The following LIG3 variants were observed in gnomAD, a reference collection of about 807,000 sequenced individuals.
LIG3 encodes the protein ligase II, DNA, ATP-dependent.
In LIG3, 58 loss-of-function variants were observed where a neutral mutation model predicts 110.9. The ratio of observed to expected loss-of-function variants is 0.52; its 90% CI spans 0.42 to 0.65. The LOEUF (loss-of-function observed/expected upper bound fraction) is 0.65. Ranked by LOEUF, LIG3 falls within the 30% of genes least tolerant of loss-of-function variation. The pLI is 0.00. For synonymous variants in LIG3, 422 were observed against 472.8 expected (o/e 0.89, Z 1.39); for missense variants, 1,094 against 1,273.8 (o/e 0.86, Z 2.15).
intron 3 of LIG3, among the ~76,000 whole-genome samples, chr17:34,986,699 T>C (rs1248896866): frequency 1.3e-5 from 2 of 152,222 alleles, no homozygotes; most frequent in African/African-American, 4.8e-5. Context: ...TCAAGACTTT[T>C]TCCCCTTGAA....
chr17:34,998,821 T>C (rs553676859), intron 14 of LIG3, 94 bp downstream of exon 14: 3 of 1,455,096 alleles, frequency 2.1e-6, no homozygotes, highest in Non-Finnish European at 2.8e-6. Flanking sequence ...TCTGCCAGCA[T>C]GGCCAGTTAT....
chr17:34,997,406 G>A (rs2090789910), intron 11 of LIG3: 2 of 259,038 alleles, frequency 7.7e-6, no homozygotes, highest in African/African-American at 4.3e-5. Flanking sequence ...GGGTGCAGGG[G>A]ATAAAAAATG....
rs933330716 is a variant in LIG3 at position 35,001,944 on chromosome 17, C to A, written c.2514C>A (p.Phe838Leu). 6.2e-7 allele frequency: 1 copy of A among 1,612,080 alleles called. No homozygotes were observed. Among genetic ancestry groups the A allele is most frequent in the African/African-American group, 1.3e-5 (1 of 74,898 alleles). Reference sequence around the variant, plus strand: ...AGTTGTCCAAGGAGAAGGCAGACTTCACTGTAGTGGCTGGAGATGAGGGGA... The same window carrying A: ...AGTTGTCCAAGGAGAAGGCAGACTTAACTGTAGTGGCTGGAGATGAGGGGA... ...LYQLSKEKAD[F>L]TVVAGDEGSS... The change falls in exon 18 of 20, where the codon TTC (phenylalanine) becomes TTA (leucine). Residue 838 changes from phenylalanine (F) to leucine (L), a missense_variant. By Grantham distance (22) the Phe-to-Leu change is conservative. Transcript: ENST00000378526.
At chr17:34,999,574 G>A in intron 15 of LIG3, 125 bp downstream of exon 15, 1 of 1,316,438 alleles carries the variant, frequency 7.6e-7, no homozygotes, top group East Asian at 2.5e-5. Flanking sequence ...TTGCTCAGGG[G>A]AGCAGGATTA....
chr17:34,990,915 T>C, intron 4 of LIG3, 48 bp from the exon 5 acceptor site: 2 of 1,587,890 alleles, frequency 1.3e-6, no homozygotes, highest in Non-Finnish European at 1.7e-6. Context: ...GTTTATATAT[T>C]TATTTGTTTA....
chr17:34,999,128 C>A, intron 14 of LIG3, 179 bp from the exon 15 acceptor site: 1 of 667,934 alleles, frequency 1.5e-6, no homozygotes, highest in Non-Finnish European at 2.4e-6. Context: ...CCCTCATTTA[C>A]AGAAGAGGAA....
At position 35,004,564 on chromosome 17, in the gene LIG3, G is replaced by T; in HGVS notation, c.*58G>T. ...TCTCCTTTACCATACTACTGGACTGGACTCAGGCTGGAGGCAGATAGACAC... is the reference window on the plus strand; with the variant it reads ...TCTCCTTTACCATACTACTGGACTGTACTCAGGCTGGAGGCAGATAGACAC... On this transcript the variant is annotated 3_prime_UTR_variant, in exon 20 of 20. Transcript: ENST00000378526. 1 of 1,429,800 alleles carries T rather than the reference G, an allele frequency of 7.0e-7. No individual in the cohort carries two copies. Among genetic ancestry groups the T allele is most frequent in the South Asian group, 1.2e-5 (1 of 84,992 alleles). The allele number at this position is 1,429,800 out of a possible 1,614,324, so 88.6% of individuals were successfully genotyped here. A position where few individuals can be genotyped will look rare whatever the true frequency, so the allele number is the denominator to read the frequency against.
At chr17:35,003,180 G>C (rs552283928) in intron 19 of LIG3, 1 of 1,510,192 alleles carries the variant, frequency 6.6e-7, no homozygotes, top group Non-Finnish European at 8.9e-7. Context: ...CAGGGTGGAA[G>C]CAGGTCCAGC....
Position 35,005,088 on chromosome 17 carries a change from G to A in LIG3, c.*582G>A. On this transcript the variant is annotated 3_prime_UTR_variant, in exon 20 of 20. Transcript: ENST00000378526. ...TCTTCTCTGTGTTCTCCTATTACAT[G>A]GTGAGGATCCCCAGTTTGAAGGGAG... 1 of 337,324 alleles carries A rather than the reference G, an allele frequency of 3.0e-6. No homozygotes were observed. Among genetic ancestry groups the A allele is most frequent in the Non-Finnish European group, 5.9e-6 (1 of 169,646 alleles). 20.9% of individuals were successfully genotyped at this position (337,324 alleles called of 1,614,324 possible). A position where few individuals can be genotyped will look rare whatever the true frequency, so the allele number is the denominator to read the frequency against.
intron 10 of LIG3, 176 bp downstream of exon 10, chr17:34,996,371 T>C (rs1160110311): frequency 2.3e-6 from 2 of 867,612 alleles, no homozygotes; most frequent in Non-Finnish European, 3.5e-6. Flanking sequence ...AAAAAGGGGC[T>C]GGTATTGGGA....
rs755011551 is a variant in LIG3, at chr17:34,996,093, G to A, written c.1641G>A (p.Gln547=). The change falls in exon 10 of 20, where the codon CAG becomes CAA. Residue 547 remains glutamine, a synonymous_variant. Coordinates refer to ENST00000378526, the MANE Select transcript of LIG3 (RefSeq NM_013975.4). The stretch of plus-strand genomic sequence containing the variant: ...CCCACTTTAAGGACTACATTCCCCA[G>A]GCTTTTCCTGGGGGCCACAGCATGA... The part of the protein sequence containing the change: ...KVAHFKDYIP[Q]AFPGGHSMIL... 1 of 1,614,120 alleles carries A rather than the reference G, an allele frequency of 6.2e-7. No homozygotes were observed. The highest frequency in any genetic ancestry group is 1.6e-4 in the Middle Eastern group (1 of 6,062).
At chr17:35,003,025 A>ACTG (rs1403311834) in intron 19 of LIG3, 10 of 1,614,104 alleles carry the variant, frequency 6.2e-6, no homozygotes, top group Non-Finnish European at 8.5e-6. Context: ...GAGAGGAAGA[A>ACTG]CTGTGCCAGC....
At chr17:35,000,282 G>A (rs2090825702) in intron 16 of LIG3, among the ~76,000 whole-genome samples, 1 of 152,182 alleles carries the variant, frequency 6.6e-6, no homozygotes, top group Admixed American at 6.5e-5. Context: ...TTTTGAGACG[G>A]AGTTTCACTC....
At chr17:34,989,420 T>G in intron 3 of LIG3, 46 bp from the exon 4 acceptor site, 1 of 1,543,118 alleles carries the variant, frequency 6.5e-7, no homozygotes, top group Non-Finnish European at 8.9e-7. Flanking sequence ...CCTTTCTTTC[T>G]TCTCAGAAAG....
In LIG3 at chr17:34,996,585, C is replaced by G. The variant is rs1430297615; in HGVS notation, c.1755C>G (p.Phe585Leu). ...ATTTTCCCTTACAGAAAGCAGCCTT[C>G]CAGGATGCTAATGTCTGCCTGTTTG... is the stretch of plus-strand genomic sequence containing the variant. ...GTLGVHKKAAFQDANVCLFVF... is the reference protein window; with the variant it reads ...GTLGVHKKAALQDANVCLFVF... The change falls in exon 11 of 20, where the codon TTC becomes TTG. Residue 585 changes from phenylalanine (F) to leucine (L), a missense_variant. Phe to Leu is a conservative substitution (Grantham distance 22, BLOSUM62 0). Coordinates refer to ENST00000378526, the MANE Select transcript of LIG3 (RefSeq NM_013975.4). The G allele has an allele frequency of 5.0e-6, 8 of 1,613,370 alleles. No homozygotes were observed. The highest frequency in any genetic ancestry group is 1.7e-5 in the Admixed American group (1 of 60,030).
rs1770486920 is a variant in LIG3, at chr17:34,994,273, A to G, written c.1456-3A>G. The G allele has an allele frequency of 1.9e-6, 3 of 1,610,886 alleles. No homozygotes were observed. In the African/African-American group the frequency reaches 4.0e-5, roughly 22 times the overall value. On this transcript the variant is annotated splice_polypyrimidine_tract_variant and splice_region_variant and intron_variant, in intron 8 of 19. Transcript: ENST00000378526. ...CTCCAGGCTTTGCTTTCCCCACCCCAAGGCGGAGGCCTGCAAGTCCGTTGA... is the reference window on the plus strand; with the variant it reads ...CTCCAGGCTTTGCTTTCCCCACCCCGAGGCGGAGGCCTGCAAGTCCGTTGA...
chr17:34,986,154 T>A (rs2090653052), intron 3 of LIG3, 23 bp downstream of exon 3: 1 of 1,611,220 alleles, frequency 6.2e-7, no homozygotes, highest in Admixed American at 1.7e-5. Flanking sequence ...AGGGCTACTT[T>A]AGCTGTTATA....
At chr17:35,003,272 C>A in intron 19 of LIG3, 1 of 1,037,700 alleles carries the variant, frequency 9.6e-7, no homozygotes, top group Non-Finnish European at 1.3e-6. Flanking sequence ...ATTTTCTTGT[C>A]AGTCTTGGGT....
At chr17:34,997,569 A>T (rs1213595339) in intron 11 of LIG3, 169 bp from the exon 12 acceptor site, 2 of 593,666 alleles carry the variant, frequency 3.4e-6, no homozygotes, top group African/African-American at 1.9e-5. Context: ...TTCGGTCACG[A>T]TGGAGCCCTT....
Sources: allele counts gnomAD v4.1 joint callset (sites outside exome capture counted in the v4.1 genomes callset), GRCh38; gene constraint gnomAD v4.1.1; transcripts MANE v1.5; gene names NCBI Gene and HGNC (gene_info 2026-07-23, HGNC 2026-07-21).